The following MICALL2 variants were observed in gnomAD, a reference collection of about 807,000 sequenced individuals.
MICALL2 encodes MICAL-like protein 2.
MICALL2 carries 111 observed loss-of-function variants against 91.1 expected under a neutral mutation model. The ratio of observed to expected loss-of-function variants is 1.22; its 90% CI spans 1.04 to 1.43. The LOEUF (loss-of-function observed/expected upper bound fraction) is 1.43, where lower values mean the gene tolerates loss of function less well. Ranked by LOEUF, MICALL2 falls within the 40% of genes most tolerant of loss-of-function variation. MICALL2 has a pLI of 0.00. For missense variants in MICALL2, 1,556 were observed against 1,236.0 expected (o/e 1.26, Z -3.88); for synonymous variants, 694 against 525.3 (o/e 1.32, Z -4.39).
chr7:1,438,879 T>A lies in MICALL2; in HGVS notation c.2083A>T (p.Lys695Ter), dbSNP rs774630198. The A allele has an allele frequency of 6.2e-7, 1 of 1,610,904 alleles. No homozygotes were observed. The highest frequency in any genetic ancestry group is 8.5e-7 in the Non-Finnish European group (1 of 1,179,298). Residue 695 changes from lysine (K) to a stop codon, truncating the protein, a stop_gained, in exon 10 of 17, where the codon AAG becomes TAG. Coordinates refer to ENST00000297508, the MANE Select transcript of MICALL2 (RefSeq NM_182924.4). LOFTEE classifies it high-confidence loss of function. The part of the protein sequence containing the change: ...PGQEARVQSW[K>*]EEEKKPHLQG... Reference sequence around the variant, plus strand: ...AGGTGAGGTTTCTTCTCCTCCTCCTTCCAGCTCTGCACTCGGGCTTCCTGG... The same window carrying A: ...AGGTGAGGTTTCTTCTCCTCCTCCTACCAGCTCTGCACTCGGGCTTCCTGG...
chr7:1,445,167 T>C lies in MICALL2; in HGVS notation c.903A>G (p.Pro301=), dbSNP rs1269127043. Residue 301 remains proline (P), a synonymous_variant, in exon 6 of 17, where the codon CCA becomes CCG. Transcript: ENST00000297508. ...TGGTGGCTGCAGGGTTGGGTGCAGC[T>C]GGAACGGAAGCCCTGGCAGGCGAGT... is the stretch of plus-strand genomic sequence containing the variant. ...AGNSPARASV[P]AAPNPAATSA... 1 of 1,582,274 alleles carries C rather than the reference T, an allele frequency of 6.3e-7. No homozygotes were observed. Among genetic ancestry groups the C allele is most frequent in the African/African-American group, 1.3e-5 (1 of 74,320 alleles).
chr7:1,459,219 G>C lies in MICALL2; in HGVS notation c.108C>G (p.Phe36Leu). The C allele has an allele frequency of 6.2e-7, 1 of 1,611,156 alleles. No homozygotes were observed. The highest frequency in any genetic ancestry group is 8.5e-7 in the Non-Finnish European group (1 of 1,179,064). The change falls in exon 1 of 17, where the codon TTC (phenylalanine) becomes TTG (leucine). Residue 36 changes from phenylalanine to leucine, a missense_variant. Phe to Leu is a conservative substitution (Grantham distance 22). Transcript: ENST00000297508. ...MTTSFRDGLAFCAILHRHRPD... is the reference protein window; with the variant it reads ...MTTSFRDGLALCAILHRHRPD... Reference sequence around the variant, plus strand: ...GCCGGTGGCGGTGCAGGATGGCGCAGAAAGCCAGGCCGTCGCGGAACGACG... The same window carrying C: ...GCCGGTGGCGGTGCAGGATGGCGCACAAAGCCAGGCCGTCGCGGAACGACG...
At chr7:1,435,571 G>A (rs992611080) in intron 15 of MICALL2, among the ~76,000 whole-genome samples, 1 of 152,238 alleles carries the variant, frequency 6.6e-6, no homozygotes, top group African/African-American at 2.4e-5. Flanking sequence ...TGGGACAGAA[G>A]GGCCTCGGCC....
Position 1,445,397 on chromosome 7 carries a change from C to CCA in MICALL2, c.672_673insTG (p.Gly225TrpfsTer29). ...GGCTCTCCTGTGGCCTTGTAGGCCC[C>CCA]CGAGTGCAGCGTGCAGGAGCACTGC... On this transcript the variant is annotated frameshift_variant, in exon 6 of 17. Coordinates refer to ENST00000297508, the MANE Select transcript of MICALL2 (RefSeq NM_182924.4). LOFTEE classifies it high-confidence loss of function. 1 of 1,565,874 alleles carries CCA rather than the reference C, an allele frequency of 6.4e-7. No individual in the cohort carries two copies. The highest frequency in any genetic ancestry group is 8.6e-7 in the Non-Finnish European group (1 of 1,162,886).
chr7:1,440,034 C>CT lies in MICALL2; in HGVS notation c.1856dup (p.Ala620GlyfsTer23). ...AGCTGCCTGAGACCTTCCTGGGGGC[C>CT]TCCCCCGCCCTCGGCTCTGCCAGGG... On this transcript the variant is annotated frameshift_variant, in exon 9 of 17. Coordinates refer to ENST00000297508, the MANE Select transcript of MICALL2 (RefSeq NM_182924.4). LOFTEE classifies it high-confidence loss of function. 6.3e-7 allele frequency: 1 copy of CT among 1,576,888 alleles called. No individual in the cohort carries two copies. Among genetic ancestry groups the CT allele is most frequent in the Non-Finnish European group, 8.6e-7 (1 of 1,168,278 alleles).
chr7:1,438,242 G>T, intron 11 of MICALL2, 22 bp from the exon 12 acceptor site: 1 of 1,588,770 alleles, frequency 6.3e-7, no homozygotes, highest in African/African-American at 1.3e-5. Context: ...GGGGCGGTGA[G>T]GATGCCGGAG....
intron 9 of MICALL2, 181 bp from the exon 10 acceptor site, chr7:1,439,176 G>A (rs908312798): frequency 7.0e-6 from 4 of 573,908 alleles, no homozygotes; most frequent in Admixed American, 3.3e-5. Flanking sequence ...ACCTGGCCAT[G>A]TCTCCCCAGG....
chr7:1,448,490 G>T, intron 3 of MICALL2, 130 bp downstream of exon 3: 1 of 833,890 alleles, frequency 1.2e-6, no homozygotes, highest in Non-Finnish European at 2.0e-6. Context: ...CACAGCCCCG[G>T]TGCCCATGCC....
intron 8 of MICALL2, 75 bp from the exon 9 acceptor site, chr7:1,440,160 C>T (rs1780210505): frequency 6.6e-7 from 1 of 1,523,076 alleles, no homozygotes; most frequent in Non-Finnish European, 8.7e-7. Flanking sequence ...GCTCCCAGGC[C>T]ATATGCAGAC....
At chr7:1,445,845 C>T (rs1780549540) in intron 5 of MICALL2, among the ~76,000 whole-genome samples, 1 of 152,074 alleles carries the variant, frequency 6.6e-6, no homozygotes, top group Non-Finnish European at 1.5e-5. Context: ...CCTTGCAGAG[C>T]TGGGGACAGA....
rs1554268911 is a variant in MICALL2 at position 1,447,590 on chromosome 7, GC to G, written c.509del (p.Gly170AlafsTer83). The G allele has an allele frequency of 1.9e-6, 3 of 1,570,472 alleles. No homozygotes were observed. Among genetic ancestry groups the G allele is most frequent in the Admixed American group, 1.8e-5 (1 of 54,806 alleles). ...VVQRRNEGAG[G>X]PPPKTDQALA... ...GGGAGCTTACAGTCTTGGGGGGCGG[GC>G]CCCCTGCACCCTCATTCCTCCTCTG... is the stretch of plus-strand genomic sequence containing the variant. On this transcript the variant is annotated frameshift_variant, in exon 4 of 17. Transcript: ENST00000297508. LOFTEE classifies it high-confidence loss of function.
chr7:1,449,697 C>T (rs1206883602), intron 2 of MICALL2, among the ~76,000 whole-genome samples: 1 of 152,244 alleles, frequency 6.6e-6, no homozygotes. Context: ...CAGGACATGC[C>T]TGCAGGGCGC....
Position 1,440,072 on chromosome 7 carries a change from T to C in MICALL2, c.1819A>G (p.Lys607Glu). 6.3e-7 allele frequency: 1 copy of C among 1,588,272 alleles called. No individual in the cohort carries two copies. The highest frequency in any genetic ancestry group is 8.5e-7 in the Non-Finnish European group (1 of 1,172,038). ...RSPAERTLKP[K>E]EPRALAEPRA... ...GGCTCTGCCAGGGCCCGTGGTTCCT[T>C]GGGCTTCAGAGTCCTGGGCAGAAGG... Residue 607 changes from lysine (K) to glutamate (E), a missense_variant, in exon 9 of 17, where the codon AAG becomes GAG. Transcript: ENST00000297508.
At chr7:1,447,920 T>C in intron 3 of MICALL2, 155 bp from the exon 4 acceptor site, 1 of 530,860 alleles carries the variant, frequency 1.9e-6, no homozygotes, top group Non-Finnish European at 3.2e-6. Flanking sequence ...GCACTTTTTC[T>C]GGCACAGCCC....
rs1413291407 is a variant in MICALL2 at position 1,437,574 on chromosome 7, C to T, written c.2437G>A (p.Asp813Asn). The T allele has an allele frequency of 1.3e-6, 2 of 1,536,692 alleles. No individual in the cohort carries two copies. Among genetic ancestry groups the T allele is most frequent in the East Asian group, 4.9e-5 (2 of 40,786 alleles). The change falls in exon 14 of 17, where the codon GAC (aspartate) becomes AAC (asparagine). Residue 813 changes from aspartate (D) to asparagine (N), a missense_variant. Asp to Asn is a conservative substitution (Grantham distance 23, BLOSUM62 1). Transcript: ENST00000297508. ...KAQRLEEQQL[D>N]IEGELRRLMA... ...AGCCGGCGCAGCTCGCCCTCGATGT[C>T]CAGCTGCTGCTCCTCCAGACGCTGG... is the stretch of plus-strand genomic sequence containing the variant.
chr7:1,445,899 G>T (rs1449927562), intron 5 of MICALL2, among the ~76,000 whole-genome samples: 1 of 151,908 alleles, frequency 6.6e-6, no homozygotes, highest in African/African-American at 2.4e-5. Flanking sequence ...CCCACCCGGG[G>T]TGCAGGGTGG....
chr7:1,436,715 G>A, intron 15 of MICALL2, 27 bp downstream of exon 15: 2 of 1,573,232 alleles, frequency 1.3e-6, no homozygotes, highest in Non-Finnish European at 1.7e-6. Flanking sequence ...GCCTGGCTGG[G>A]AGGGGCCCCC....
chr7:1,454,122 G>A (rs548608224), intron 1 of MICALL2, among the ~76,000 whole-genome samples: 8 of 144,394 alleles, frequency 5.5e-5, no homozygotes, highest in South Asian at 4.9e-4. Flanking sequence ...CTGGGTGGCC[G>A]ACATCACACT....
At position 1,442,447 on chromosome 7, in the gene MICALL2, G is replaced by A. The variant is rs2128521434; in HGVS notation, c.1456C>T (p.Pro486Ser). Residue 486 changes from proline to serine, a missense_variant, in exon 7 of 17, where the codon CCC (proline) becomes TCC (serine). Pro to Ser is a moderately conservative substitution (Grantham distance 74, BLOSUM62 -1). Transcript: ENST00000297508. ...CTTGCTTGTGGTGCTTCAGTTTTGG[G>A]CTGAGAACTGGGAACAGCGGCAGTG... ...PATAAVPSSQ[P>S]KTEAPQASPL... is the part of the protein sequence containing the mutation. The A allele has an allele frequency of 6.4e-7, 1 of 1,552,922 alleles. No individual in the cohort carries two copies. The highest frequency in any genetic ancestry group is 8.7e-7 in the Non-Finnish European group (1 of 1,147,766).
Sources: allele counts gnomAD v4.1 joint callset (sites outside exome capture counted in the v4.1 genomes callset), GRCh38; gene constraint gnomAD v4.1.1; transcripts MANE v1.5; gene names NCBI Gene and HGNC (gene_info 2026-07-23, HGNC 2026-07-21).